CCDC38: variants seen among roughly 807,000 people sequenced by gnomAD.
CCDC38 encodes coiled-coil domain-containing protein 38.
In CCDC38, 69 loss-of-function variants were observed where a neutral mutation model predicts 72.8. The observed-to-expected ratio is 0.95, with a 90% CI of 0.78 to 1.16. The LOEUF (loss-of-function observed/expected upper bound fraction) is 1.16, where lower values mean the gene tolerates loss of function less well. CCDC38 is among the 50% of genes most tolerant of loss of function. CCDC38 has a pLI of 0.00. For missense variants in CCDC38, 626 were observed against 638.9 expected, an observed-to-expected ratio of 0.98 and a Z score of 0.22; for synonymous variants, 201 against 213.2, an observed-to-expected ratio of 0.94 and a Z score of 0.50.
At chr12:95,881,729 T>C (rs1159279524) in intron 10 of CCDC38, among the ~76,000 whole-genome samples, 175 bp from the exon 11 acceptor site, 1 of 152,200 alleles carries the variant, frequency 6.6e-6, no homozygotes, top group East Asian at 1.9e-4. Flanking sequence ...TCCATGAATA[T>C]ACAAAAGAAA....
At chr12:95,872,646 C>T (rs191359312) in intron 13 of CCDC38, among the ~76,000 whole-genome samples, 186 bp from the exon 14 acceptor site, 14 of 152,334 alleles carry the variant, frequency 9.2e-5, no homozygotes, top group African/African-American at 3.4e-4. Context: ...GCAATCTCAT[C>T]TCACTGCAAC....
chr12:95,886,905 C>T (rs950554668), intron 10 of CCDC38, among the ~76,000 whole-genome samples: 1 of 152,194 alleles, frequency 6.6e-6, no homozygotes, highest in African/African-American at 2.4e-5. Context: ...GAACATGCGG[C>T]CGGGCGTGGT....
rs140570957 is a variant in CCDC38 at position 95,878,765 on chromosome 12, C to T, written c.1143-419G>A. ...CTAGAGATAGATTCTATATATCCCC[C>T]TTTCCTGCCTACCTGCACCCACCCT... is the stretch of plus-strand genomic sequence containing the variant. On this transcript the variant is annotated intron_variant, in intron 12 of 15. Transcript: ENST00000344280. Among the ~76,000 whole-genome samples the T allele has an allele frequency of 8.1e-3, 1,240 of 152,264 alleles. 5 individuals carry two copies. Among genetic ancestry groups the T allele is most frequent in the Non-Finnish European group, 0.014 (976 of 68,024 alleles).
intron 2 of CCDC38, chr12:95,919,303 C>T (rs967436737): frequency 5.5e-5 from 20 of 361,936 alleles, no homozygotes; most frequent in African/African-American, 1.1e-4. Context: ...GGTTACAGCT[C>T]GGCATTTGCC....
chr12:95,935,031 G>T (rs764849472), intron 2 of CCDC38: 1 of 151,972 alleles, frequency 6.6e-6, no homozygotes, highest in African/African-American at 2.4e-5. Flanking sequence ...CCATTCCCTG[G>T]TTGTATTATA....
In CCDC38 at chr12:95,879,131, G is replaced by T. The variant is rs1183452194; in HGVS notation, c.1142+513C>A. Among the ~76,000 whole-genome samples, 3 of 152,098 alleles carry T rather than the reference G, an allele frequency of 2.0e-5. No homozygotes were observed. The highest frequency in any genetic ancestry group is 6.5e-5 in the Admixed American group (1 of 15,270). On this transcript the variant is annotated intron_variant, in intron 12 of 15. Coordinates refer to ENST00000344280, the MANE Select transcript of CCDC38 (RefSeq NM_182496.3). This position sits in a 1 kb window ranked among gnomAD's most constrained non-coding sequence, Gnocchi z 5.5. ...TAGATGAGGAAGGAATTTTGTGAGG[G>T]ATCAAATCCAGCTGCTTTCCCCTGA... is the stretch of plus-strand genomic sequence containing the variant.
At chr12:95,926,714 T>C (rs1266010446) in intron 2 of CCDC38, among the ~76,000 whole-genome samples, 1 of 151,706 alleles carries the variant, frequency 6.6e-6, no homozygotes, top group Admixed American at 6.6e-5. Flanking sequence ...CTGCTTTGGA[T>C]GCGTCCCAGA....
chr12:95,932,990 A>G (rs2080354079), intron 2 of CCDC38, among the ~76,000 whole-genome samples: 1 of 152,214 alleles, frequency 6.6e-6, no homozygotes, highest in East Asian at 1.9e-4. Flanking sequence ...GAAAATGGTT[A>G]TTCTCATGGA....
intron 5 of CCDC38, among the ~76,000 whole-genome samples, chr12:95,899,162 T>C (rs1475802703): frequency 6.6e-6 from 1 of 152,220 alleles, no homozygotes; most frequent in Admixed American, 6.5e-5. Flanking sequence ...GATGCATTCC[T>C]GGGAGCCAGC....
chr12:95,925,344 C>T (rs574995804), intron 2 of CCDC38, among the ~76,000 whole-genome samples: 56 of 152,260 alleles, frequency 3.7e-4, no homozygotes, highest in African/African-American at 1.2e-3. Context: ...CTCTGTTTGT[C>T]TCTTATTGGT....
intron 15 of CCDC38, 106 bp from the exon 16 acceptor site, chr12:95,867,295 T>C (rs1026713815): frequency 2.9e-6 from 2 of 679,720 alleles, no homozygotes; most frequent in Non-Finnish European, 5.3e-6. Flanking sequence ...AGGAATAATA[T>C]GGTTTGTAAC....
At position 95,924,455 on chromosome 12, in the gene CCDC38, G is replaced by C. The variant is rs1244625140; in HGVS notation, c.38-5479C>G. 3.2e-3 allele frequency among the ~76,000 whole-genome samples: 444 copies of C among 140,498 alleles called. 4 individuals are homozygous for C. Among genetic ancestry groups the C allele is most frequent in the African/African-American group, 0.011 (425 of 37,728 alleles). The allele number at this position is 140,498 out of a possible 152,430, so 92.2% of individuals were successfully genotyped here. ...TGGATATTAGCCCTTTGTCAGATGA[G>C]TAGGTTGTGAAAATTTTCTCCCATT... On this transcript the variant is annotated intron_variant, in intron 2 of 15. Transcript: ENST00000344280.
chr12:95,880,389 C>A (rs975547366), intron 11 of CCDC38, among the ~76,000 whole-genome samples: 2 of 152,178 alleles, frequency 1.3e-5, no homozygotes, highest in African/African-American at 2.4e-5. Context: ...GGTGCGGTGG[C>A]TCACACCTGT....
Position 95,881,402 on chromosome 12 carries a change from ATATTT to A in CCDC38, c.990+78_990+82del. On this transcript the variant is annotated intron_variant, in intron 11 of 15. Transcript: ENST00000344280. The stretch of plus-strand genomic sequence containing the variant: ...AGGTTTGTGCAATATTTTGAATAAA[ATATTT>A]TAATTTCAAAAGAATAAATGATCAT... 3.8e-6 allele frequency: 4 copies of A among 1,055,542 alleles called. 1 individual carries two copies. The South Asian group carries it at 4.4e-5, about 12-fold the overall frequency. The allele number at this position is 1,055,542 out of a possible 1,614,324, so 65.4% of individuals were successfully genotyped here.
chr12:95,920,891 G>A lies in CCDC38; in HGVS notation c.38-1915C>T, dbSNP rs570903535. Reference sequence around the variant, plus strand: ...CACGTATAATCCCAGCACTTTCGGAGGCCGAGGTGGGTGGATAACCTGAGG... The same window carrying A: ...CACGTATAATCCCAGCACTTTCGGAAGCCGAGGTGGGTGGATAACCTGAGG... On this transcript the variant is annotated intron_variant, in intron 2 of 15. Transcript: ENST00000344280. 4.2e-3 allele frequency among the ~76,000 whole-genome samples: 574 copies of A among 136,744 alleles called. 1 individual carries two copies. The highest frequency in any genetic ancestry group is 6.1e-3 in the Non-Finnish European group (382 of 62,304). 89.7% of individuals were successfully genotyped at this position (136,744 alleles called of 152,430 possible).
chr12:95,932,529 A>G (rs1015915061), intron 2 of CCDC38, among the ~76,000 whole-genome samples: 7 of 152,142 alleles, frequency 4.6e-5, no homozygotes, highest in African/African-American at 1.7e-4. Context: ...TGATGTATTC[A>G]TATTTGAACC....
chr12:95,922,849 G>A (rs2080224070), intron 2 of CCDC38, among the ~76,000 whole-genome samples: 1 of 152,120 alleles, frequency 6.6e-6, no homozygotes, highest in Non-Finnish European at 1.5e-5. Context: ...AAGGACCTGG[G>A]GCCAGGTGCC....
chr12:95,916,215 G>C (rs1592791442), intron 4 of CCDC38, among the ~76,000 whole-genome samples: 1 of 152,214 alleles, frequency 6.6e-6, no homozygotes, highest in East Asian at 1.9e-4. Flanking sequence ...TATGCACTTG[G>C]AAGCTCTTCT....
intron 15 of CCDC38, among the ~76,000 whole-genome samples, chr12:95,867,576 C>T (rs906388289): frequency 6.6e-6 from 1 of 152,150 alleles, no homozygotes; most frequent in African/African-American, 2.4e-5. Context: ...ATGGCTTTCT[C>T]CTGTTGAGCA....
Sources: gnomAD v4.1 joint callset for allele counts (sites outside exome capture counted in the v4.1 genomes callset) on GRCh38, gnomAD v4.1.1 for gene constraint, Gnocchi (gnomAD v3.1) non-coding constraint, MANE v1.5 for transcripts, NCBI Gene and HGNC (gene_info 2026-07-23, HGNC 2026-07-21) for gene names.